PCDH7: variants seen among roughly 807,000 people sequenced by gnomAD.
PCDH7 encodes the protein protocadherin-7.
In PCDH7, 17 loss-of-function variants were observed where a neutral mutation model predicts 58.9. That is an observed-to-expected ratio of 0.29 (90% CI 0.20 to 0.43). PCDH7 has a LOEUF of 0.43. Ranked by LOEUF, PCDH7 falls within the 20% of genes least tolerant of loss-of-function variation. The pLI, the probability that PCDH7 is intolerant of heterozygous loss-of-function variation, is 1.00. For missense variants in PCDH7, 1,274 were observed against 1,441.0 expected, an observed-to-expected ratio of 0.88 and a Z score of 1.88; for synonymous variants, 664 against 616.4, an observed-to-expected ratio of 1.08 and a Z score of -1.14.
intron 2 of PCDH7, among the ~76,000 whole-genome samples, chr4:30,930,776 A>T (rs555790558): frequency 3.9e-4 from 59 of 152,144 alleles, no homozygotes; most frequent in African/African-American, 8.0e-4. Context: ...TGCAAAAAAA[A>T]AAAAGTTTAA....
intron 1 of PCDH7, among the ~76,000 whole-genome samples, chr4:30,803,585 A>T (rs535982574): frequency 2.0e-5 from 3 of 152,100 alleles, no homozygotes; most frequent in African/African-American, 2.4e-5. Context: ...CTACAGGTGC[A>T]TATCCCTATG....
intron 3 of PCDH7, among the ~76,000 whole-genome samples, chr4:30,988,165 C>T (rs556041635): frequency 1.3e-5 from 2 of 152,074 alleles, no homozygotes; most frequent in Non-Finnish European, 1.5e-5. Flanking sequence ...AATATGAAAA[C>T]GTTAGACATC....
intron 1 of PCDH7, 63 bp from the exon 2 acceptor site, chr4:30,920,090 T>G: frequency 8.1e-7 from 1 of 1,233,864 alleles, no homozygotes; most frequent in Non-Finnish European, 1.1e-6. Context: ...TTTATGTATT[T>G]TTTAAAATAA....
intron 1 of PCDH7, among the ~76,000 whole-genome samples, chr4:30,918,379 C>CA (rs1742751718): frequency 3.3e-5 from 5 of 151,800 alleles, no homozygotes; most frequent in African/African-American, 9.7e-5. Context: ...TATGCACACA[C>CA]AGGTAAAAAT....
chr4:30,935,252 A>T, intron 2 of PCDH7: 2 of 660,778 alleles, frequency 3.0e-6, no homozygotes, highest in Non-Finnish European at 3.7e-6. Context: ...TTTCCACATT[A>T]AATCAGACTT....
At chr4:30,919,409 G>T (rs1742897870) in intron 1 of PCDH7, among the ~76,000 whole-genome samples, 1 of 152,084 alleles carries the variant, frequency 6.6e-6, no homozygotes. Flanking sequence ...CAACTGGATA[G>T]TTTCATAAAA....
chr4:31,073,904 T>C (rs977396201), intron 3 of PCDH7, among the ~76,000 whole-genome samples: 4 of 152,118 alleles, frequency 2.6e-5, no homozygotes, highest in Non-Finnish European at 4.4e-5. Flanking sequence ...ATCTCAACAG[T>C]GCATACTCCT....
Position 30,894,516 on chromosome 4 carries a change from TACACACACACACACACAC to T in PCDH7, c.71-25611_71-25594del, listed in dbSNP as rs55942705. On this transcript the variant is annotated intron_variant, in intron 1 of 3. Transcript: ENST00000509759. ...ATATATATATATATATATATATATATACACACACACACACACACACACACACACACACACACACACACA... is the reference window on the plus strand; with the variant it reads ...ATATATATATATATATATATATATATACACACACACACACACACACACACA... 2.9e-3 allele frequency among the ~76,000 whole-genome samples: 94 copies of T among 32,174 alleles called. 1 individual carries two copies. The highest frequency in any genetic ancestry group is 0.013 in the African/African-American group (91 of 6,860). 21.1% of individuals were successfully genotyped at this position (32,174 alleles called of 152,430 possible).
chr4:31,142,239 A>G (rs1028788777), intron 3 of PCDH7, among the ~76,000 whole-genome samples: 3 of 152,128 alleles, frequency 2.0e-5, no homozygotes, highest in Admixed American at 2.0e-4. Flanking sequence ...ACACACTTAA[A>G]TGTATCATTT....
chr4:30,966,770 CATGCATCAAATTA>C (rs1329087067), intron 3 of PCDH7, among the ~76,000 whole-genome samples: 2 of 152,010 alleles, frequency 1.3e-5, no homozygotes, highest in African/African-American at 4.8e-5. Flanking sequence ...CTCCTCAGAC[CATGCATCAAATTA>C]GTGTTAAAGC....
chr4:30,824,103 C>CTTTCTTTCTTTCTTTT (rs1728751440), intron 1 of PCDH7, among the ~76,000 whole-genome samples: 1 of 128,764 alleles, frequency 7.8e-6, no homozygotes, highest in African/African-American at 3.0e-5. Context: ...TTCTTTCTTT[C>CTTTCTTTCTTTCTTTT]TTTCTTTCTT....
intron 1 of PCDH7, among the ~76,000 whole-genome samples, chr4:30,823,709 G>A (rs1728657424): frequency 6.6e-6 from 1 of 152,192 alleles, no homozygotes; most frequent in East Asian, 1.9e-4. Context: ...ATAATATCAA[G>A]AGCTAGGATC....
intron 3 of PCDH7, among the ~76,000 whole-genome samples, chr4:30,968,277 G>GA (rs1560541158): frequency 9.2e-6 from 1 of 108,468 alleles, no homozygotes. Flanking sequence ...ATTGATCAAA[G>GA]AAAAAAATTA....
intron 1 of PCDH7, among the ~76,000 whole-genome samples, chr4:30,831,175 T>A (rs1298749294): frequency 6.6e-6 from 1 of 152,110 alleles, no homozygotes; most frequent in Non-Finnish European, 1.5e-5. Flanking sequence ...TGCTTCCACA[T>A]CCTCTCCAAC....
rs535840593 is a variant in PCDH7, at chr4:31,000,871, T to G, written c.*7+50656T>G. On this transcript the variant is annotated intron_variant, in intron 3 of 3. Transcript: ENST00000509759. ...AAATGGAGGAGCTATTACTATTGTT[T>G]TTAGTGTAAACTATTCTTTATGCTG... is the stretch of plus-strand genomic sequence containing the variant. Among the ~76,000 whole-genome samples the G allele has an allele frequency of 7.2e-5, 11 of 152,238 alleles. No individual in the cohort carries two copies. In the East Asian group the frequency reaches 1.9e-3, roughly 27 times the overall value.
chr4:31,095,453 T>C (rs1036385619), intron 3 of PCDH7, among the ~76,000 whole-genome samples: 1 of 152,208 alleles, frequency 6.6e-6, no homozygotes, highest in African/African-American at 2.4e-5. Flanking sequence ...GGAGGAAATC[T>C]AGTTTCTTAT....
At chr4:30,974,326 G>T (rs1420030560) in intron 3 of PCDH7, among the ~76,000 whole-genome samples, 10 of 141,942 alleles carry the variant, frequency 7.0e-5, no homozygotes, top group African/African-American at 2.8e-4. Context: ...GACCTGGGGA[G>T]GAAAACAAAG....
chr4:30,850,211 T>C (rs1166211289), intron 1 of PCDH7, among the ~76,000 whole-genome samples: 3 of 152,154 alleles, frequency 2.0e-5, no homozygotes, highest in Non-Finnish European at 2.9e-5. Flanking sequence ...ACATATTATT[T>C]GTGGTTGAGG....
chr4:30,965,307 A>G (rs368084949), intron 3 of PCDH7, among the ~76,000 whole-genome samples: 1 of 152,190 alleles, frequency 6.6e-6, no homozygotes, highest in Non-Finnish European at 1.5e-5. Flanking sequence ...AGGCATGCAG[A>G]TATATGAATT....
Sources: allele counts gnomAD v4.1 joint callset (sites outside exome capture counted in the v4.1 genomes callset), GRCh38; gene constraint gnomAD v4.1.1; transcripts MANE v1.5; gene names NCBI Gene and HGNC (gene_info 2026-07-23, HGNC 2026-07-21).